The following ANKRD2 variants were observed in gnomAD, a reference collection of about 807,000 sequenced individuals.
ANKRD2 encodes the protein ankyrin repeat domain 2, also known as ankyrin repeat domain-containing protein 2.
ANKRD2 carries 35 observed loss-of-function variants against 37.3 expected under a neutral mutation model. That is an observed-to-expected ratio of 0.94 (90% CI 0.72 to 1.24). The LOEUF is 1.24. ANKRD2 is among the 50% of genes most tolerant of loss of function. The probability of loss-of-function intolerance (pLI) is 0.00; values close to 1 mark genes in which losing one functional copy is unlikely to be tolerated. For missense variants in ANKRD2, 410 were observed against 445.6 expected (o/e 0.92, Z 0.72); for synonymous variants, 159 against 186.5 (o/e 0.85, Z 1.20).
chr10:97,576,735 C>T (rs528013921), intron 1 of ANKRD2, among the ~76,000 whole-genome samples: 49 of 150,832 alleles, frequency 3.2e-4, no homozygotes, highest in Non-Finnish European at 5.3e-4. Context: ...CTTACTCTGC[C>T]GCCCAAGCTG....
chr10:97,577,758 T>A (rs375520089), intron 1 of ANKRD2, 42 bp from the exon 2 acceptor site: 40 of 1,483,782 alleles, frequency 2.7e-5, no homozygotes, highest in Non-Finnish European at 3.4e-5. Context: ...AGGCTGCCTG[T>A]CTCCTCGGGT....
Position 97,582,666 on chromosome 10 carries a change from G to A in ANKRD2, c.816G>A (p.Leu272=). The A allele has an allele frequency of 6.2e-7, 1 of 1,614,192 alleles. No homozygotes were observed. The highest frequency in any genetic ancestry group is 8.5e-7 in the Non-Finnish European group (1 of 1,180,028). Residue 272 remains leucine, a synonymous_variant, in exon 8 of 9, where the codon CTG becomes CTA. Transcript: ENST00000370655. ...ACCGCTACAAAATCATCAAACTGCTGCTCCTGCATGGGGCTGACATGATGA... is the reference window on the plus strand; with the variant it reads ...ACCGCTACAAAATCATCAAACTGCTACTCCTGCATGGGGCTGACATGATGA... The part of the protein sequence containing the change: ...RLNRYKIIKL[L]LLHGADMMTK...
chr10:97,572,817 C>A lies in ANKRD2; in HGVS notation c.29C>A (p.Ala10Glu). Residue 10 changes from alanine (A) to glutamate (E), a missense_variant, in exon 1 of 9, where the codon GCG becomes GAG. Coordinates refer to ENST00000370655, the MANE Select transcript of ANKRD2 (RefSeq NM_001346793.2). Reference protein sequence around the residue: MDGTMEDSEAVQRATALIEQ... With the variant: MDGTMEDSEEVQRATALIEQ... ...GACGGCACCATGGAGGACTCCGAGG[C>A]GGTGCAGAGGGCCACAGCGCTCATC... is the stretch of plus-strand genomic sequence containing the variant. The A allele has an allele frequency of 1.3e-6, 2 of 1,570,696 alleles. No individual in the cohort carries two copies. The highest frequency in any genetic ancestry group is 2.4e-5 in the East Asian group (1 of 42,534).
At chr10:97,583,431 C>A in intron 8 of ANKRD2, 145 bp from the exon 9 acceptor site, 1 of 808,304 alleles carries the variant, frequency 1.2e-6, no homozygotes, top group Non-Finnish European at 1.9e-6. Flanking sequence ...CCTAGTGTGA[C>A]AACCAAAAGT....
chr10:97,579,296 A>G (rs950883417), intron 4 of ANKRD2, among the ~76,000 whole-genome samples: 4 of 151,028 alleles, frequency 2.6e-5, no homozygotes, highest in Non-Finnish European at 5.9e-5. Flanking sequence ...TTCTCATGGT[A>G]TAGTACTGTA....
rs1464973197 is a variant in ANKRD2 at position 97,580,965 on chromosome 10, G to A, written c.555+12G>A. 1.3e-6 allele frequency: 2 copies of A among 1,573,108 alleles called. No individual in the cohort carries two copies. The highest frequency in any genetic ancestry group is 1.7e-6 in the Non-Finnish European group (2 of 1,158,332). Reference sequence around the variant, plus strand: ...ACTTCCAGGATCGGGTGAGTGAGAGGGCAGGTATTCAATGGGAGACAGGAG... The same window carrying A: ...ACTTCCAGGATCGGGTGAGTGAGAGAGCAGGTATTCAATGGGAGACAGGAG... On this transcript the variant is annotated intron_variant, in intron 5 of 8. Transcript: ENST00000370655.
At chr10:97,582,548 C>T in intron 7 of ANKRD2, 56 bp from the exon 8 acceptor site, 1 of 1,588,434 alleles carries the variant, frequency 6.3e-7, no homozygotes, top group Non-Finnish European at 8.6e-7. Context: ...CCTCCCATCA[C>T]CCTTGCCTCC....
At chr10:97,576,207 T>C (rs1461222529) in intron 1 of ANKRD2, among the ~76,000 whole-genome samples, 1 of 152,288 alleles carries the variant, frequency 6.6e-6, no homozygotes, top group East Asian at 1.9e-4. Context: ...CTGAGTGCTC[T>C]GTAAGGGTGG....
chr10:97,572,542 C>A, upstream of ANKRD2: 1 of 853,916 alleles, frequency 1.2e-6, no homozygotes, highest in Non-Finnish European at 1.8e-6. Flanking sequence ...CGGGCTCCTT[C>A]CTGCACCCCT....
chr10:97,581,991 G>A (rs2040903847), intron 6 of ANKRD2, among the ~76,000 whole-genome samples: 1 of 152,202 alleles, frequency 6.6e-6, no homozygotes, highest in Non-Finnish European at 1.5e-5. Flanking sequence ...CAAATGTCTT[G>A]TAAGCTTTTG....
rs201575767 is a variant in ANKRD2 at position 97,582,683 on chromosome 10, A to G, written c.833A>G (p.Asp278Gly). The stretch of plus-strand genomic sequence containing the variant: ...AAACTGCTGCTCCTGCATGGGGCTG[A>G]CATGATGACCAAGAACCTGGTAAGC... Reference protein sequence around the residue: ...IIKLLLLHGADMMTKNLAGKT... With the variant: ...IIKLLLLHGAGMMTKNLAGKT... The change falls in exon 8 of 9, where the codon GAC (aspartate) becomes GGC (glycine). Residue 278 changes from aspartate (D) to glycine (G), a missense_variant. Asp to Gly is a moderately conservative substitution (Grantham distance 94, BLOSUM62 -1). Coordinates refer to ENST00000370655, the MANE Select transcript of ANKRD2 (RefSeq NM_001346793.2). 3.4e-5 allele frequency: 55 copies of G among 1,614,028 alleles called. No individual in the cohort carries two copies. The highest frequency in any genetic ancestry group is 4.5e-5 in the Non-Finnish European group (53 of 1,180,028).
chr10:97,583,675 G>A lies in ANKRD2; in HGVS notation c.952G>A (p.Gly318Arg). 3 of 1,601,032 alleles carry A rather than the reference G, an allele frequency of 1.9e-6. No individual in the cohort carries two copies. Among genetic ancestry groups the A allele is most frequent in the East Asian group, 2.3e-5 (1 of 43,626 alleles). The change falls in exon 9 of 9, where the codon GGG becomes AGG. Residue 318 changes from glycine to arginine, a missense_variant. Physicochemically the swap from Gly to Arg is moderately radical, Grantham distance 125. Transcript: ENST00000370655. ...EPGAEHNGLE[G>R]PNDSGRETPQ... is the part of the protein sequence containing the mutation. ...GGGGGCTGAGCATAACGGGCTGGAGGGGCCTAATGATAGTGGGCGAGAGAC... is the reference window on the plus strand; with the variant it reads ...GGGGGCTGAGCATAACGGGCTGGAGAGGCCTAATGATAGTGGGCGAGAGAC...
At chr10:97,576,509 A>G (rs1054790767) in intron 1 of ANKRD2, among the ~76,000 whole-genome samples, 1 of 152,170 alleles carries the variant, frequency 6.6e-6, no homozygotes, top group Non-Finnish European at 1.5e-5. Flanking sequence ...ATAGTTTCCA[A>G]GCTCTAGACT....
At chr10:97,578,692 T>A in intron 4 of ANKRD2, 87 bp downstream of exon 4, 1 of 1,059,678 alleles carries the variant, frequency 9.4e-7, no homozygotes, top group Non-Finnish European at 1.4e-6. Flanking sequence ...ACTGTGAGCC[T>A]ATTTGAGAGG....
chr10:97,577,764 C>T (rs752715791), intron 1 of ANKRD2, 36 bp from the exon 2 acceptor site: 2 of 1,504,988 alleles, frequency 1.3e-6, no homozygotes, highest in Non-Finnish European at 1.8e-6. Context: ...CCTGTCTCCT[C>T]GGGTCCTGGA....
Position 97,578,624 on chromosome 10 carries a change from C to G in ANKRD2, c.456+19C>G. ...CGACCAGGTGATGCTCCTAGCCGCC[C>G]CTGACCAGCCTCCCTGTCAGTTGCC... On this transcript the variant is annotated intron_variant, in intron 4 of 8. Coordinates refer to ENST00000370655, the MANE Select transcript of ANKRD2 (RefSeq NM_001346793.2). 1 of 1,528,336 alleles carries G rather than the reference C, an allele frequency of 6.5e-7. No homozygotes were observed. Among genetic ancestry groups the G allele is most frequent in the Non-Finnish European group, 8.8e-7 (1 of 1,130,950 alleles). The allele number at this position is 1,528,336 out of a possible 1,614,324, so 94.7% of individuals were successfully genotyped here.
At chr10:97,577,650 C>A (rs2040841293) in intron 1 of ANKRD2, 150 bp from the exon 2 acceptor site, 1 of 570,606 alleles carries the variant, frequency 1.8e-6, no homozygotes. Context: ...CCTCCAGGGG[C>A]CCTGCTCTTG....
In ANKRD2 at chr10:97,580,962, G is replaced by T; in HGVS notation, c.555+9G>T. 6.3e-7 allele frequency: 1 copy of T among 1,575,918 alleles called. No individual in the cohort carries two copies. The highest frequency in any genetic ancestry group is 8.6e-7 in the Non-Finnish European group (1 of 1,159,988). On this transcript the variant is annotated intron_variant, in intron 5 of 8. Transcript: ENST00000370655. ...TGGACTTCCAGGATCGGGTGAGTGA[G>T]AGGGCAGGTATTCAATGGGAGACAG...
chr10:97,580,810 G>C (rs919315292), intron 4 of ANKRD2, 45 bp from the exon 5 acceptor site: 28 of 1,498,526 alleles, frequency 1.9e-5, no homozygotes, highest in African/African-American at 2.8e-5. Context: ...GATGGGCTCA[G>C]GCCTGGAGCC....
Sources: gnomAD v4.1 joint callset for allele counts (sites outside exome capture counted in the v4.1 genomes callset) on GRCh38, gnomAD v4.1.1 for gene constraint, MANE v1.5 for transcripts, NCBI Gene and HGNC (gene_info 2026-07-23, HGNC 2026-07-21) for gene names.